MAST4: variants seen among roughly 807,000 people sequenced by gnomAD.
The protein encoded by MAST4 is microtubule-associated serine/threonine-protein kinase 4.
A neutral mutation model predicts 162.7 loss-of-function variants in MAST4; 89 were observed. The ratio of observed to expected loss-of-function variants is 0.55; its 90% CI spans 0.46 to 0.65. The LOEUF (loss-of-function observed/expected upper bound fraction) is 0.65, where lower values mean the gene tolerates loss of function less well. MAST4 is among the 30% of genes least tolerant of loss of function. The probability of loss-of-function intolerance (pLI) is 0.00; values close to 1 mark genes in which losing one functional copy is unlikely to be tolerated. For synonymous variants in MAST4, 1,479 were observed against 1,361.1 expected, an observed-to-expected ratio of 1.09 and a Z score of -1.91; for missense variants, 3,153 against 3,374.0, an observed-to-expected ratio of 0.93 and a Z score of 1.62.
intron 1 of MAST4, among the ~76,000 whole-genome samples, chr5:66,664,516 G>A (rs1747125340): frequency 6.7e-6 from 1 of 148,422 alleles, no homozygotes; most frequent in African/African-American, 2.5e-5. Flanking sequence ...TTACAAGACA[G>A]CCAAGTGTAG....
chr5:67,089,077 AC>A (rs1763561189), intron 5 of MAST4, among the ~76,000 whole-genome samples: 1 of 152,180 alleles, frequency 6.6e-6, no homozygotes, highest in African/African-American at 2.4e-5. Context: ...TCATTAAGAA[AC>A]CAGTAATGTG....
intron 21 of MAST4, among the ~76,000 whole-genome samples, chr5:67,143,775 T>C (rs1203527207): frequency 6.6e-6 from 1 of 152,196 alleles, no homozygotes; most frequent in Non-Finnish European, 1.5e-5. Context: ...AGACCAGGAC[T>C]GTTCTCTGGG....
chr5:66,785,803 A>G (rs764787687), intron 2 of MAST4, among the ~76,000 whole-genome samples: 1 of 152,184 alleles, frequency 6.6e-6, no homozygotes, highest in African/African-American at 2.4e-5. Flanking sequence ...AAAAGAATAA[A>G]CTTATTTCCT....
intron 20 of MAST4, 71 bp downstream of exon 20, chr5:67,142,308 C>A: frequency 6.4e-7 from 1 of 1,564,024 alleles, no homozygotes; most frequent in South Asian, 1.1e-5. Flanking sequence ...GCTTTTGAAC[C>A]TTTTCATATC....
At chr5:66,648,280 G>A (rs1745996788) in intron 1 of MAST4, among the ~76,000 whole-genome samples, 1 of 152,084 alleles carries the variant, frequency 6.6e-6, no homozygotes, top group Non-Finnish European at 1.5e-5. Context: ...AGAACAAGAA[G>A]ATTTGGGAAA....
At chr5:67,148,829 A>G (rs901299411) in intron 23 of MAST4, among the ~76,000 whole-genome samples, 3 of 152,214 alleles carry the variant, frequency 2.0e-5, no homozygotes, top group Admixed American at 1.3e-4. Flanking sequence ...GCACTTTTCT[A>G]TCAGTTACTT....
intron 4 of MAST4, chr5:67,005,087 T>TA (rs756008705): frequency 2.2e-4 from 169 of 756,552 alleles, no homozygotes; most frequent in Non-Finnish European, 3.5e-4. Flanking sequence ...AACACAAAGG[T>TA]AAAAACGCGG....
At chr5:66,890,780 G>C (rs557185075) in intron 3 of MAST4, among the ~76,000 whole-genome samples, 1 of 152,322 alleles carries the variant, frequency 6.6e-6, no homozygotes, top group Admixed American at 6.5e-5. Flanking sequence ...GGCAGATGTG[G>C]ATTCAAAGAC....
At chr5:66,860,770 CAAAA>C (rs34973337) in intron 3 of MAST4, among the ~76,000 whole-genome samples, 2 of 129,170 alleles carry the variant, frequency 1.5e-5, no homozygotes, top group East Asian at 2.2e-4. Context: ...AAAACAAAAC[CAAAA>C]AAAAAAAAAA....
At chr5:67,076,736 G>C (rs920509401) in intron 5 of MAST4, among the ~76,000 whole-genome samples, 1 of 152,042 alleles carries the variant, frequency 6.6e-6, no homozygotes, top group Non-Finnish European at 1.5e-5. Flanking sequence ...TCATTTTTTT[G>C]AAAGACATGA....
chr5:66,656,750 G>A (rs1054345850), intron 1 of MAST4, among the ~76,000 whole-genome samples: 15 of 152,164 alleles, frequency 9.9e-5, no homozygotes, highest in African/African-American at 3.6e-4. Context: ...ACTTTATGAA[G>A]TAAGAATACC....
At chr5:66,985,179 G>A (rs6863305) in intron 4 of MAST4, among the ~76,000 whole-genome samples, 79,099 of 151,886 alleles carry the variant, frequency 0.52, 21,521 homozygotes, top group East Asian at 0.67. Flanking sequence ...TCAAAGAAGC[G>A]GAATGAAGGA....
intron 1 of MAST4, among the ~76,000 whole-genome samples, chr5:66,716,336 A>C (rs553076840): frequency 2.6e-5 from 4 of 151,586 alleles, no homozygotes; most frequent in East Asian, 1.9e-4. Context: ...CTCTCTCTCT[A>C]TGTGTGTGTA....
chr5:66,849,951 A>G (rs924186340), intron 3 of MAST4, among the ~76,000 whole-genome samples: 2 of 152,178 alleles, frequency 1.3e-5, no homozygotes, highest in African/African-American at 4.8e-5. Flanking sequence ...GTCCTTGGCA[A>G]AAGCATATTA....
Position 66,708,632 on chromosome 5 carries a change from A to G in MAST4, c.364-51077A>G, listed in dbSNP as rs188598795. ...TAAACTTAGCCTTTCATTTTCTGTT[A>G]TTATGAGCACCAAGCATTCATTTTC... On this transcript the variant is annotated intron_variant, in intron 1 of 28. Transcript: ENST00000403625. Among the ~76,000 whole-genome samples the G allele has an allele frequency of 1.6e-3, 250 of 152,230 alleles. 1 individual carries two copies. Among genetic ancestry groups the G allele is most frequent in the African/African-American group, 5.8e-3 (241 of 41,554 alleles).
chr5:66,608,152 G>T (rs1175005681), intron 1 of MAST4, among the ~76,000 whole-genome samples: 1 of 149,580 alleles, frequency 6.7e-6, no homozygotes, highest in African/African-American at 2.5e-5. Flanking sequence ...CTGCCTCCCT[G>T]GTTCAAGTGA....
intron 5 of MAST4, among the ~76,000 whole-genome samples, chr5:67,089,236 C>T (rs112317307): frequency 0.019 from 2,951 of 152,306 alleles, 106 homozygotes; most frequent in African/African-American, 0.068. Context: ...CAGACAATTC[C>T]GCCAATCTAA....
chr5:66,836,054 C>T (rs1427318510), intron 3 of MAST4, among the ~76,000 whole-genome samples: 1 of 151,894 alleles, frequency 6.6e-6, no homozygotes, highest in Non-Finnish European at 1.5e-5. Flanking sequence ...ACCTGTAGTC[C>T]CAAGTACCTG....
chr5:66,903,200 G>T (rs1763119567), intron 4 of MAST4, among the ~76,000 whole-genome samples: 1 of 152,168 alleles, frequency 6.6e-6, no homozygotes, highest in Non-Finnish European at 1.5e-5. Context: ...CTAGTGGAGA[G>T]AATGAAAGAC....
Sources: gnomAD v4.1 joint callset for allele counts (sites outside exome capture counted in the v4.1 genomes callset) on GRCh38, gnomAD v4.1.1 for gene constraint, MANE v1.5 for transcripts, NCBI Gene and HGNC (gene_info 2026-07-23, HGNC 2026-07-21) for gene names.